Variants in BABAM2 observed in about 807,000 individuals in gnomAD.
The protein encoded by BABAM2 is BRISC and BRCA1-A complex member 2.
A neutral mutation model predicts 54.7 loss-of-function variants in BABAM2; 31 were observed. The observed-to-expected ratio is 0.57, with a 90% CI of 0.43 to 0.77. The LOEUF is 0.77. BABAM2 is among the 30% of genes least tolerant of loss of function. The pLI, the probability that BABAM2 is intolerant of heterozygous loss-of-function variation, is 0.00. For synonymous variants in BABAM2, 167 were observed against 162.9 expected (o/e 1.03, Z -0.19); for missense variants, 364 against 455.8 (o/e 0.80, Z 1.83).
At chr2:28,176,752 A>G (rs1675032932) in intron 7 of BABAM2, among the ~76,000 whole-genome samples, 1 of 150,476 alleles carries the variant, frequency 6.6e-6, no homozygotes, top group Non-Finnish European at 1.5e-5. Flanking sequence ...GAAATAAAAT[A>G]TTTATTCATG....
intron 6 of BABAM2, among the ~76,000 whole-genome samples, chr2:28,058,958 G>A (rs1678652366): frequency 6.6e-6 from 1 of 152,144 alleles, no homozygotes; most frequent in Non-Finnish European, 1.5e-5. Context: ...ATTCGAGCCC[G>A]CCCTGTGCCT....
At chr2:28,199,963 G>C (rs943625174) in intron 7 of BABAM2, among the ~76,000 whole-genome samples, 1 of 152,168 alleles carries the variant, frequency 6.6e-6, no homozygotes, top group African/African-American at 2.4e-5. Context: ...TATTCATTTT[G>C]AATGTGTTAA....
At chr2:27,930,925 T>C (rs2148353695) in intron 3 of BABAM2, among the ~76,000 whole-genome samples, 1 of 152,296 alleles carries the variant, frequency 6.6e-6, no homozygotes, top group East Asian at 1.9e-4. Flanking sequence ...AAAAGAAAAA[T>C]AAAGTACATG....
intron 2 of BABAM2, among the ~76,000 whole-genome samples, chr2:27,924,148 T>A (rs534048651): frequency 3.3e-5 from 5 of 152,176 alleles, no homozygotes; most frequent in Non-Finnish European, 5.9e-5. Context: ...TTTTTAAAGC[T>A]TTTTAAACAT....
At chr2:28,239,990 C>A (rs1682263611) in intron 8 of BABAM2, among the ~76,000 whole-genome samples, 1 of 152,028 alleles carries the variant, frequency 6.6e-6, no homozygotes, top group African/African-American at 2.4e-5. Context: ...TCAACCTGGA[C>A]CTAATCACCC....
chr2:28,029,097 T>C (rs1676110744), intron 5 of BABAM2, among the ~76,000 whole-genome samples: 1 of 152,190 alleles, frequency 6.6e-6, no homozygotes, highest in African/African-American at 2.4e-5. Flanking sequence ...GTTATGATTT[T>C]AAGGTTTTAC....
At chr2:28,257,257 G>T (rs1246754199) in intron 10 of BABAM2, among the ~76,000 whole-genome samples, 1 of 151,890 alleles carries the variant, frequency 6.6e-6, no homozygotes, top group Non-Finnish European at 1.5e-5. Context: ...CTTAAATTTT[G>T]GCAACCACAT....
intron 6 of BABAM2, among the ~76,000 whole-genome samples, chr2:28,127,018 C>A (rs1669609214): frequency 6.6e-6 from 1 of 151,708 alleles, no homozygotes; most frequent in Non-Finnish European, 1.5e-5. Context: ...TGTTTGAGTT[C>A]ATTGTAGATT....
intron 7 of BABAM2, among the ~76,000 whole-genome samples, chr2:28,162,458 C>T (rs1673195132): frequency 6.6e-6 from 1 of 152,186 alleles, no homozygotes; most frequent in Non-Finnish European, 1.5e-5. Flanking sequence ...ATCCACTTCA[C>T]AGTTTTGAGG....
At chr2:28,177,033 A>C (rs1192231494) in intron 7 of BABAM2, among the ~76,000 whole-genome samples, 1 of 152,158 alleles carries the variant, frequency 6.6e-6, no homozygotes, top group Non-Finnish European at 1.5e-5. Context: ...CAATAAATTG[A>C]GACATTCAAA....
intron 6 of BABAM2, among the ~76,000 whole-genome samples, chr2:28,126,471 A>T (rs1350515919): frequency 6.9e-6 from 1 of 145,242 alleles, no homozygotes; most frequent in Non-Finnish European, 1.5e-5. Flanking sequence ...AAGGACATGA[A>T]CTCATCATTT....
intron 7 of BABAM2, among the ~76,000 whole-genome samples, chr2:28,196,361 C>T (rs956569258): frequency 1.3e-5 from 2 of 149,908 alleles, no homozygotes; most frequent in Non-Finnish European, 3.0e-5. Context: ...AAAGCATTAA[C>T]ATATGTGTGT....
intron 2 of BABAM2, among the ~76,000 whole-genome samples, chr2:27,902,358 C>T (rs1665853665): frequency 6.6e-6 from 1 of 152,164 alleles, no homozygotes; most frequent in Non-Finnish European, 1.5e-5. Context: ...TATGTGTATA[C>T]TGGGTCATAA....
At chr2:28,026,883 TA>T (rs1675806610) in intron 5 of BABAM2, among the ~76,000 whole-genome samples, 4 of 50,520 alleles carry the variant, frequency 7.9e-5, no homozygotes, top group African/African-American at 3.1e-4. Flanking sequence ...TTTATATATA[TA>T]TAGATATATA....
chr2:28,225,858 A>G (rs1382492582), intron 7 of BABAM2, among the ~76,000 whole-genome samples: 5 of 151,748 alleles, frequency 3.3e-5, no homozygotes, highest in Non-Finnish European at 5.9e-5. Context: ...GCCTCTTTTC[A>G]TTTTTGCTAA....
At chr2:28,303,239 C>T (rs750491333) in intron 11 of BABAM2, among the ~76,000 whole-genome samples, 1 of 152,058 alleles carries the variant, frequency 6.6e-6, no homozygotes, top group Non-Finnish European at 1.5e-5. Flanking sequence ...TACGTTAATG[C>T]TCTTTGTATA....
intron 10 of BABAM2, among the ~76,000 whole-genome samples, chr2:28,285,457 T>C (rs1686711987): frequency 6.6e-6 from 1 of 152,190 alleles, no homozygotes; most frequent in Admixed American, 6.5e-5. Flanking sequence ...ACGGTATAAG[T>C]CCAGCATGGA....
At chr2:28,338,115 C>T (rs1247341465) in intron 11 of BABAM2, among the ~76,000 whole-genome samples, 1 of 152,224 alleles carries the variant, frequency 6.6e-6, no homozygotes, top group Non-Finnish European at 1.5e-5. Context: ...GGTTCAATTG[C>T]ACACACACTG....
chr2:28,333,160 A>T (rs1691114069), intron 11 of BABAM2, among the ~76,000 whole-genome samples: 1 of 151,966 alleles, frequency 6.6e-6, no homozygotes, highest in South Asian at 2.1e-4. Flanking sequence ...CCAAGCGCTT[A>T]CCCAGACCAT....
Sources: gnomAD v4.1 joint callset for allele counts (sites outside exome capture counted in the v4.1 genomes callset) on GRCh38, gnomAD v4.1.1 for gene constraint, MANE v1.5 for transcripts, NCBI Gene and HGNC (gene_info 2026-07-23, HGNC 2026-07-21) for gene names.